MUSK: variants seen among roughly 807,000 people sequenced by gnomAD.
MUSK encodes the protein muscle, skeletal receptor tyrosine-protein kinase.
In MUSK, 55 loss-of-function variants were observed where a neutral mutation model predicts 88.7. The observed-to-expected ratio is 0.62, with a 90% CI of 0.50 to 0.78. The LOEUF (loss-of-function observed/expected upper bound fraction) is 0.78, where lower values mean the gene tolerates loss of function less well. Among genes scored for constraint, MUSK ranks in the 30% least tolerant of loss-of-function variants. The pLI is 0.00. For missense variants in MUSK, 1,015 were observed against 1,074.3 expected (o/e 0.94, Z 0.77); for synonymous variants, 387 against 391.9 (o/e 0.99, Z 0.15).
chr9:110,687,327 GTATT>G (rs1222375702), intron 3 of MUSK, 59 bp downstream of exon 3: 1 of 1,591,284 alleles, frequency 6.3e-7, no homozygotes, highest in African/African-American at 1.4e-5. Flanking sequence ...ACTTAGTTTT[GTATT>G]TATTTTTTAC....
chr9:110,759,761 C>A (rs985993963), intron 7 of MUSK, among the ~76,000 whole-genome samples: 3 of 152,104 alleles, frequency 2.0e-5, no homozygotes, highest in African/African-American at 7.2e-5. Context: ...CAAATCAAAA[C>A]CACAATGAGA....
intron 5 of MUSK, among the ~76,000 whole-genome samples, chr9:110,713,557 G>A (rs1033511220): frequency 3.9e-5 from 6 of 152,074 alleles, no homozygotes; most frequent in Non-Finnish European, 5.9e-5. Flanking sequence ...ACCATGCCTA[G>A]CCCTCTCTTA....
rs537851985 is a variant in MUSK at position 110,706,464 on chromosome 9, G to C, written c.628+8998G>C. Among the ~76,000 whole-genome samples, 142 of 152,114 alleles carry C rather than the reference G, an allele frequency of 9.3e-4. 1 individual carries two copies. Among genetic ancestry groups the C allele is most frequent in the African/African-American group, 3.2e-3 (134 of 41,476 alleles). On this transcript the variant is annotated intron_variant, in intron 5 of 14. Transcript: ENST00000374448. ...CACTTCACATTCTACTTTAGGTATG[G>C]TGTGTAGCCAAAGAGTGATCTATGT...
intron 1 of MUSK, among the ~76,000 whole-genome samples, chr9:110,677,667 C>T (rs1193033032): frequency 6.6e-6 from 1 of 152,196 alleles, no homozygotes; most frequent in Non-Finnish European, 1.5e-5. Context: ...CTCCACTGCA[C>T]CAAGCCAAAT....
chr9:110,684,618 TA>T (rs2076171337), intron 2 of MUSK, among the ~76,000 whole-genome samples: 1 of 152,136 alleles, frequency 6.6e-6, no homozygotes, highest in South Asian at 2.1e-4. Flanking sequence ...TAATATGGAA[TA>T]TTTTTCCATT....
At chr9:110,736,782 G>T (rs905951879) in intron 6 of MUSK, among the ~76,000 whole-genome samples, 3 of 152,036 alleles carry the variant, frequency 2.0e-5, no homozygotes, top group Non-Finnish European at 2.9e-5. Flanking sequence ...TTCCTCCAAA[G>T]AGAATTTTGC....
At chr9:110,787,992 C>A in intron 14 of MUSK, 154 bp downstream of exon 14, 1 of 772,610 alleles carries the variant, frequency 1.3e-6, no homozygotes, top group East Asian at 2.7e-5. Flanking sequence ...TCTATCCCAA[C>A]CCTATAGGAC....
At chr9:110,688,718 G>A (rs889719059) in intron 3 of MUSK, among the ~76,000 whole-genome samples, 8 of 151,694 alleles carry the variant, frequency 5.3e-5, no homozygotes, top group East Asian at 1.9e-4. Flanking sequence ...TGCAGTGTTT[G>A]GTTATCTGTT....
At chr9:110,764,739 T>C (rs1226430164) in intron 8 of MUSK, among the ~76,000 whole-genome samples, 2 of 152,120 alleles carry the variant, frequency 1.3e-5, no homozygotes, top group Non-Finnish European at 2.9e-5. Flanking sequence ...AGGAACATCA[T>C]AGAAATGAAA....
At chr9:110,763,333 T>A (rs1471331097) in intron 8 of MUSK, among the ~76,000 whole-genome samples, 1 of 152,242 alleles carries the variant, frequency 6.6e-6, no homozygotes, top group Non-Finnish European at 1.5e-5. Context: ...GTCCATTTTT[T>A]AATCTAAATA....
Position 110,695,539 on chromosome 9 carries a change from T to C in MUSK, c.486+9T>C. ...GAGACAGCCCTCTCAGGGTAAGTGG[T>C]TATGATGTTAAAACACATATATAAA... On this transcript the variant is annotated intron_variant, in intron 4 of 14. Transcript: ENST00000374448. The C allele has an allele frequency of 6.5e-7, 1 of 1,539,166 alleles. No individual in the cohort carries two copies. Among genetic ancestry groups the C allele is most frequent in the Non-Finnish European group, 8.8e-7 (1 of 1,139,238 alleles).
chr9:110,729,986 A>C (rs2076942345), intron 5 of MUSK, among the ~76,000 whole-genome samples: 1 of 152,096 alleles, frequency 6.6e-6, no homozygotes, highest in South Asian at 2.1e-4. Flanking sequence ...ACAATCAATA[A>C]TAAAACTGAT....
At chr9:110,724,078 T>C (rs534391610) in intron 5 of MUSK, among the ~76,000 whole-genome samples, 1 of 152,144 alleles carries the variant, frequency 6.6e-6, no homozygotes, top group Non-Finnish European at 1.5e-5. Flanking sequence ...GTTTATCATA[T>C]CTTTTGTGTC....
chr9:110,737,366 A>C (rs1236068249), intron 6 of MUSK, among the ~76,000 whole-genome samples: 6 of 151,898 alleles, frequency 4.0e-5, no homozygotes, highest in Admixed American at 3.9e-4. Flanking sequence ...AAAACACTTC[A>C]TCATCAATTA....
At chr9:110,708,924 A>C (rs2076634910) in intron 5 of MUSK, among the ~76,000 whole-genome samples, 1 of 152,210 alleles carries the variant, frequency 6.6e-6, no homozygotes, top group Admixed American at 6.5e-5. Flanking sequence ...CCTGAAATAC[A>C]TATACTCTAA....
At chr9:110,722,490 A>G (rs1470284956) in intron 5 of MUSK, among the ~76,000 whole-genome samples, 2 of 152,024 alleles carry the variant, frequency 1.3e-5, no homozygotes, top group African/African-American at 4.8e-5. Context: ...AGATAGTGCA[A>G]CTGCACTCCA....
chr9:110,753,152 C>T (rs1037110804), intron 7 of MUSK, among the ~76,000 whole-genome samples: 3 of 152,052 alleles, frequency 2.0e-5, no homozygotes, highest in Admixed American at 6.6e-5. Flanking sequence ...AAATACAGGC[C>T]GGGTGTGGTG....
intron 13 of MUSK, among the ~76,000 whole-genome samples, chr9:110,786,789 G>A (rs998083979): frequency 6.6e-6 from 1 of 152,172 alleles, no homozygotes; most frequent in Non-Finnish European, 1.5e-5. Flanking sequence ...CCTTTCTGCT[G>A]CATGGATATG....
In MUSK at chr9:110,802,463, T is replaced by C. The variant is rs548050426; in HGVS notation, c.*1475T>C. On this transcript the variant is annotated 3_prime_UTR_variant, in exon 15 of 15. Transcript: ENST00000374448. ...TAGGGCATTGGAGGAATGGTGTGAATTCTTGAAAGTAGATTTTCGCTGTCT... is the reference window on the plus strand; with the variant it reads ...TAGGGCATTGGAGGAATGGTGTGAACTCTTGAAAGTAGATTTTCGCTGTCT... Among the ~76,000 whole-genome samples the C allele has an allele frequency of 1.3e-5, 2 of 152,324 alleles. No homozygotes were observed. Among genetic ancestry groups the C allele is most frequent in the Middle Eastern group, 6.8e-3 (2 of 294 alleles).
Sources: allele counts gnomAD v4.1 joint callset (sites outside exome capture counted in the v4.1 genomes callset), GRCh38; gene constraint gnomAD v4.1.1; transcripts MANE v1.5; gene names NCBI Gene and HGNC (gene_info 2026-07-23, HGNC 2026-07-21).